The following ACSL3 variants were observed in gnomAD, a reference collection of about 807,000 sequenced individuals.
The protein encoded by ACSL3 is fatty acid CoA ligase Acsl3.
ACSL3 carries 34 observed loss-of-function variants against 84.7 expected under a neutral mutation model. The observed-to-expected ratio is 0.40, with a 90% confidence interval of 0.31 to 0.53. The LOEUF is 0.53. Ranked by LOEUF, ACSL3 falls within the 20% of genes least tolerant of loss-of-function variation. The pLI is 0.48. For synonymous variants in ACSL3, 315 were observed against 299.4 expected, an observed-to-expected ratio of 1.05 and a Z score of -0.54; for missense variants, 680 against 873.1, an observed-to-expected ratio of 0.78 and a Z score of 2.79.
At chr2:222,925,106 G>A (rs1696845365) in intron 11 of ACSL3, among the ~76,000 whole-genome samples, 1 of 151,900 alleles carries the variant, frequency 6.6e-6, no homozygotes, top group Non-Finnish European at 1.5e-5. Context: ...GGAGGCCAAG[G>A]CGGGCAGATC....
rs750414114 is a variant in ACSL3 at position 222,924,510 on chromosome 2, A to T, written c.1207A>T (p.Ser403Cys). 2 of 1,610,676 alleles carry T rather than the reference A, an allele frequency of 1.2e-6. No homozygotes were observed. Among genetic ancestry groups the T allele is most frequent in the South Asian group, 2.2e-5 (2 of 90,014 alleles). ...NVMNKVSEMS[S>C]FQRNLFILAY... Reference sequence around the variant, plus strand: ...CATGAATAAAGTCAGTGAAATGAGTAGTTTTCAACGTAATCTGTTTATTCT... The same window carrying T: ...CATGAATAAAGTCAGTGAAATGAGTTGTTTTCAACGTAATCTGTTTATTCT... Residue 403 changes from serine (S) to cysteine (C), a missense_variant, in exon 11 of 17, where the codon AGT (serine) becomes TGT (cysteine). Ser to Cys is a moderately radical substitution (Grantham distance 112). This residue lies in a region of ACSL3 where 347 missense variants were observed against 525.7 expected (regional missense o/e 0.66). Coordinates refer to ENST00000357430, the MANE Select transcript of ACSL3 (RefSeq NM_004457.5).
At chr2:222,867,966 G>C (rs1376636666) in intron 1 of ACSL3, among the ~76,000 whole-genome samples, 1 of 144,450 alleles carries the variant, frequency 6.9e-6, no homozygotes, top group African/African-American at 2.6e-5. Flanking sequence ...CTTTACTTTA[G>C]TTAACTTTCT....
At chr2:222,889,367 A>T (rs945765415) in intron 2 of ACSL3, among the ~76,000 whole-genome samples, 11 of 152,174 alleles carry the variant, frequency 7.2e-5, no homozygotes, top group African/African-American at 2.7e-4. Flanking sequence ...AAGAGAAATA[A>T]GACTCGTAGT....
chr2:222,934,112 A>G, intron 15 of ACSL3, among the ~76,000 whole-genome samples: 1 of 152,392 alleles, frequency 6.6e-6, no homozygotes, highest in Middle Eastern at 3.4e-3. Context: ...GAATATATTC[A>G]CATCATTTTG....
chr2:222,916,237 C>G, intron 4 of ACSL3, 82 bp from the exon 5 acceptor site: 1 of 912,596 alleles, frequency 1.1e-6, no homozygotes. Flanking sequence ...TCTGGTTCAT[C>G]ATAACATTTG....
At chr2:222,934,829 T>C (rs1697131626) in intron 16 of ACSL3, 142 bp downstream of exon 16, 1 of 810,180 alleles carries the variant, frequency 1.2e-6, no homozygotes. Context: ...AGTAAACTTA[T>C]CAGTCCCCCA....
intron 2 of ACSL3, among the ~76,000 whole-genome samples, chr2:222,895,085 C>T (rs759244478): frequency 3.3e-5 from 5 of 152,204 alleles, no homozygotes; most frequent in Non-Finnish European, 5.9e-5. Context: ...ATCGTTCTAA[C>T]ACTGTGGTCT....
chr2:222,871,569 G>C (rs1695302927), intron 1 of ACSL3, among the ~76,000 whole-genome samples: 1 of 152,216 alleles, frequency 6.6e-6, no homozygotes, highest in Admixed American at 6.5e-5. Context: ...TAACTCTCCA[G>C]CTGGCAGCCT....
At chr2:222,863,071 C>A (rs1695053125) in intron 1 of ACSL3, among the ~76,000 whole-genome samples, 1 of 152,166 alleles carries the variant, frequency 6.6e-6, no homozygotes, top group African/African-American at 2.4e-5. Context: ...AATTGACTCA[C>A]CTAGAGCCAT....
chr2:222,882,742 G>T (rs1238980469), intron 1 of ACSL3, among the ~76,000 whole-genome samples: 1 of 147,524 alleles, frequency 6.8e-6, no homozygotes, highest in Non-Finnish European at 1.5e-5. Context: ...TGATTTGTCT[G>T]GAATACCTCC....
Position 222,891,301 on chromosome 2 carries a change from A to C in ACSL3, c.-148+3413A>C, listed in dbSNP as rs1695839973. ...AGGCATCAGTAGAATATAGTCTTAA[A>C]ATCGATCTAGTTGAACTGCATCAAT... On this transcript the variant is annotated intron_variant, in intron 2 of 16. Coordinates refer to ENST00000357430, the MANE Select transcript of ACSL3 (RefSeq NM_004457.5). Among the ~76,000 whole-genome samples, 5 of 152,200 alleles carry C rather than the reference A, an allele frequency of 3.3e-5. No individual in the cohort carries two copies. The South Asian group carries it at 1.0e-3, about 32-fold the overall frequency.
In ACSL3 at chr2:222,919,148, A is replaced by T; in HGVS notation, c.751A>T (p.Ile251Phe). ...GACCTGGTCCGAGTTCCCCAAGGGC[A>T]TCATTGTGCATACCATGGCTGCAGT... ...PPTWSEFPKG[I>F]IVHTMAAVEA... Residue 251 changes from isoleucine to phenylalanine, a missense_variant, in exon 7 of 17, where the codon ATC becomes TTC. Ile to Phe is a conservative substitution (Grantham distance 21). Coordinates refer to ENST00000357430, the MANE Select transcript of ACSL3 (RefSeq NM_004457.5). The T allele has an allele frequency of 5.6e-6, 9 of 1,614,170 alleles. No homozygotes were observed. The highest frequency in any genetic ancestry group is 7.6e-6 in the Non-Finnish European group (9 of 1,180,022).
At chr2:222,926,894 G>A (rs1387137445) in intron 11 of ACSL3, 123 bp from the exon 12 acceptor site, 5 of 1,074,956 alleles carry the variant, frequency 4.7e-6, no homozygotes, top group Non-Finnish European at 1.3e-6. Context: ...AATTGGCTGT[G>A]TGACCTTGGA....
intron 1 of ACSL3, among the ~76,000 whole-genome samples, chr2:222,870,744 A>G (rs1695279231): frequency 6.6e-6 from 1 of 152,236 alleles, no homozygotes; most frequent in African/African-American, 2.4e-5. Flanking sequence ...ATTTGTTTGT[A>G]GTGTGCGAAG....
chr2:222,900,728 C>T lies in ACSL3; in HGVS notation c.-93C>T, dbSNP rs1459103365. On this transcript the variant is annotated 5_prime_UTR_variant, in exon 3 of 17. Transcript: ENST00000357430. ...GGAAACAGCTGTAACATTTGCCACC[C>T]TCAGAAGCTGCTGGTCCTGTGTCAC... 1 of 152,198 alleles carries T rather than the reference C, an allele frequency of 6.6e-6. No homozygotes were observed. The highest frequency in any genetic ancestry group is 1.5e-5 in the Non-Finnish European group (1 of 68,050). The allele number at this position is 152,198 out of a possible 1,614,324, so 9.4% of individuals were successfully genotyped here.
Position 222,862,967 on chromosome 2 carries a change from T to G in ACSL3, c.-207+1709T>G, listed in dbSNP as rs986010048. Among the ~76,000 whole-genome samples the G allele has an allele frequency of 5.9e-5, 9 of 152,322 alleles. No homozygotes were observed. The South Asian group carries it at 1.9e-3, about 32-fold the overall frequency. ...TCCTCTGTCTGGTTTGGGGTGAGAA[T>G]CAGATCTTAAAGCCTCGAGGTCTGT... On this transcript the variant is annotated intron_variant, in intron 1 of 16. Coordinates refer to ENST00000357430, the MANE Select transcript of ACSL3 (RefSeq NM_004457.5).
At chr2:222,869,393 C>T (rs1017675720) in intron 1 of ACSL3, among the ~76,000 whole-genome samples, 5 of 152,038 alleles carry the variant, frequency 3.3e-5, no homozygotes, top group Non-Finnish European at 7.4e-5. Flanking sequence ...TTCTGTTTTC[C>T]CTATGTATAT....
At chr2:222,908,304 G>C (rs986781407) in intron 3 of ACSL3, among the ~76,000 whole-genome samples, 1 of 152,192 alleles carries the variant, frequency 6.6e-6, no homozygotes, top group Admixed American at 6.5e-5. Flanking sequence ...TCACAGGGAA[G>C]GAATGTGGTG....
intron 2 of ACSL3, among the ~76,000 whole-genome samples, chr2:222,889,098 A>T (rs1184966956): frequency 6.6e-6 from 1 of 152,240 alleles, no homozygotes; most frequent in African/African-American, 2.4e-5. Context: ...AATTGCAAAG[A>T]TAATTATGAC....
Sources: gnomAD v4.1 joint callset for allele counts (sites outside exome capture counted in the v4.1 genomes callset) on GRCh38, gnomAD v4.1.1 for gene constraint, gnomAD v4.1.1 regional missense constraint, MANE v1.5 for transcripts, NCBI Gene and HGNC (gene_info 2026-07-23, HGNC 2026-07-21) for gene names.